Variants in KANSL1L observed in about 807,000 individuals in gnomAD.
KANSL1L encodes the protein KAT8 regulatory NSL complex subunit 1 like.
Under a neutral mutation model 108.6 loss-of-function variants are expected in KANSL1L, and 25 were observed. The ratio of observed to expected loss-of-function variants is 0.23; its 90% CI spans 0.17 to 0.32. The LOEUF (loss-of-function observed/expected upper bound fraction) is 0.32, where lower values mean the gene tolerates loss of function less well. Ranked by LOEUF, KANSL1L falls within the 10% of genes least tolerant of loss-of-function variation. The pLI is 1.00. For missense variants in KANSL1L, 1,137 were observed against 1,125.7 expected, an observed-to-expected ratio of 1.01 and a Z score of -0.14; for synonymous variants, 405 against 395.1, an observed-to-expected ratio of 1.03 and a Z score of -0.30.
intron 5 of KANSL1L, among the ~76,000 whole-genome samples, chr2:210,079,388 G>A (rs1387478965): frequency 6.6e-6 from 1 of 151,318 alleles, no homozygotes; most frequent in Admixed American, 6.6e-5. Context: ...TTGAGGTCAG[G>A]AGTTCGAGAC....
intron 5 of KANSL1L, chr2:210,079,698 G>GTATATATATATA (rs1185390630): frequency 4.5e-5 from 1 of 22,190 alleles, no homozygotes; most frequent in African/African-American, 1.2e-4. Context: ...ATATGTATGT[G>GTATATATATATA]TGTATATATA....
intron 6 of KANSL1L, among the ~76,000 whole-genome samples, chr2:210,047,276 T>G (rs1294183034): frequency 6.6e-6 from 1 of 152,234 alleles, no homozygotes; most frequent in Non-Finnish European, 1.5e-5. Context: ...AGTTCTGCTT[T>G]CTTTTTGATT....
intron 5 of KANSL1L, among the ~76,000 whole-genome samples, chr2:210,079,642 A>ATATATATATATATGTGTG (rs2094569506): frequency 3.1e-4 from 2 of 6,476 alleles, no homozygotes; most frequent in Non-Finnish European, 1.7e-3. Context: ...ATATATATAT[A>ATATATATATATATGTGTG]TATATATATA....
intron 6 of KANSL1L, among the ~76,000 whole-genome samples, chr2:210,063,307 G>A (rs2094437642): frequency 1.3e-5 from 2 of 152,260 alleles, no homozygotes; most frequent in Admixed American, 6.5e-5. Context: ...GGGGTAGAGT[G>A]CTCATGGAGA....
chr2:210,137,167 C>G (rs1321803738), intron 2 of KANSL1L, among the ~76,000 whole-genome samples: 1 of 152,140 alleles, frequency 6.6e-6, no homozygotes, highest in African/African-American at 2.4e-5. Flanking sequence ...CTTCTAGAGA[C>G]AGCATTTTTC....
chr2:210,070,224 C>CTTTTTTTTTTTT (rs71043971), intron 6 of KANSL1L, among the ~76,000 whole-genome samples: 40 of 77,560 alleles, frequency 5.2e-4, no homozygotes, highest in Non-Finnish European at 6.6e-4. Flanking sequence ...TTTCTCCGTT[C>CTTTTTTTTTTTT]TTTTTTTTTT....
chr2:210,144,850 A>G (rs928338162), intron 2 of KANSL1L, among the ~76,000 whole-genome samples: 3 of 152,072 alleles, frequency 2.0e-5, no homozygotes, highest in African/African-American at 7.2e-5. Context: ...GAAAAGTATC[A>G]TGTTCTTTGG....
At chr2:210,041,477 C>T (rs1481647025) in intron 7 of KANSL1L, among the ~76,000 whole-genome samples, 2 of 152,054 alleles carry the variant, frequency 1.3e-5, no homozygotes, top group Non-Finnish European at 2.9e-5. Context: ...GCTCTGTTGC[C>T]CAGGCTGGAG....
intron 11 of KANSL1L, among the ~76,000 whole-genome samples, chr2:210,027,589 A>T (rs998965946): frequency 6.6e-6 from 1 of 152,232 alleles, no homozygotes; most frequent in Non-Finnish European, 1.5e-5. Flanking sequence ...GCTGCATTTT[A>T]TACATAATAA....
intron 1 of KANSL1L, among the ~76,000 whole-genome samples, chr2:210,165,467 T>G (rs1475539759): frequency 6.6e-6 from 1 of 152,092 alleles, no homozygotes; most frequent in Non-Finnish European, 1.5e-5. Context: ...TTTTTGTTTT[T>G]GGTTATATTA....
intron 12 of KANSL1L, among the ~76,000 whole-genome samples, chr2:210,027,067 G>A (rs1191292193): frequency 2.6e-5 from 4 of 152,072 alleles, no homozygotes; most frequent in South Asian, 2.1e-4. Context: ...CACCGCGCCC[G>A]GCCTTGGCTT....
intron 1 of KANSL1L, among the ~76,000 whole-genome samples, chr2:210,164,466 G>A (rs1314173604): frequency 6.6e-6 from 1 of 152,008 alleles, no homozygotes; most frequent in Non-Finnish European, 1.5e-5. Context: ...CTAAATCTAA[G>A]AAATGTCTTT....
intron 6 of KANSL1L, among the ~76,000 whole-genome samples, chr2:210,055,613 C>T (rs542503303): frequency 2.2e-3 from 338 of 152,232 alleles, no homozygotes; most frequent in African/African-American, 7.6e-3. Flanking sequence ...CAATGAAGTC[C>T]AGGCTGAGGT....
chr2:210,070,389 C>G (rs2125310905), intron 6 of KANSL1L, among the ~76,000 whole-genome samples: 1 of 151,856 alleles, frequency 6.6e-6, no homozygotes, highest in East Asian at 2.0e-4. Flanking sequence ...GCCACAACGC[C>G]CAGCTAATTT....
chr2:210,121,411 C>T (rs779241373), intron 3 of KANSL1L, among the ~76,000 whole-genome samples: 8 of 152,108 alleles, frequency 5.3e-5, no homozygotes, highest in African/African-American at 7.2e-5. Flanking sequence ...AACCAAATAT[C>T]GCATGTTCTC....
At chr2:210,062,242 G>A (rs1226895879) in intron 6 of KANSL1L, among the ~76,000 whole-genome samples, 1 of 152,192 alleles carries the variant, frequency 6.6e-6, no homozygotes, top group South Asian at 2.1e-4. Flanking sequence ...TGTACAAGCT[G>A]TCTTCTCTTG....
chr2:210,111,781 G>A (rs76341442), intron 3 of KANSL1L, among the ~76,000 whole-genome samples: 8,342 of 150,816 alleles, frequency 0.055, 428 homozygotes, highest in East Asian at 0.29. Flanking sequence ...TGTGCACAAC[G>A]TGCAGGTTTG....
chr2:210,163,713 T>C (rs1348241181), intron 1 of KANSL1L, among the ~76,000 whole-genome samples: 2 of 152,150 alleles, frequency 1.3e-5, no homozygotes, highest in Non-Finnish European at 2.9e-5. Flanking sequence ...TAAAATTATA[T>C]TACATGAAAT....
In KANSL1L at chr2:210,023,113, C is replaced by A. The variant is rs1311170001; in HGVS notation, c.2800G>T (p.Asp934Tyr). The change falls in exon 15 of 15, where the codon GAT becomes TAT. Residue 934 changes from aspartate to tyrosine, a missense_variant. By Grantham distance (160) the Asp-to-Tyr change is radical (BLOSUM62 -3). This residue lies in a region of KANSL1L where 575 missense variants were observed against 567.1 expected (regional missense o/e 1.01). Coordinates refer to ENST00000281772, the MANE Select transcript of KANSL1L (RefSeq NM_152519.4). ...GEDMAALLCQ[D>Y]EKKDQVERSS... ...CTTTCAACCTGATCCTTTTTTTCAT[C>A]TTGACATAATAAGGCTGCCATGTCT... 1 of 1,613,884 alleles carries A rather than the reference C, an allele frequency of 6.2e-7. No homozygotes were observed. Among genetic ancestry groups the A allele is most frequent in the Admixed American group, 1.7e-5 (1 of 60,008 alleles).
Sources: gnomAD v4.1 joint callset for allele counts (sites outside exome capture counted in the v4.1 genomes callset) on GRCh38, gnomAD v4.1.1 for gene constraint, gnomAD v4.1.1 regional missense constraint, MANE v1.5 for transcripts, NCBI Gene and HGNC (gene_info 2026-07-23, HGNC 2026-07-21) for gene names.